The following PBX1 variants were observed in gnomAD, a reference collection of about 807,000 sequenced individuals.
The protein encoded by PBX1 is PBX homeobox 1.
In PBX1, 6 loss-of-function variants were observed where a neutral mutation model predicts 53.4. That is an observed-to-expected ratio of 0.11 (90% CI 0.06 to 0.22). The LOEUF (loss-of-function observed/expected upper bound fraction) is 0.22. PBX1 is among the 10% of genes least tolerant of loss of function. PBX1 has a pLI of 1.00. For synonymous variants in PBX1, 204 were observed against 212.3 expected (o/e 0.96, Z 0.34); for missense variants, 251 against 551.4 (o/e 0.46, Z 5.46).
At chr1:164,562,478 C>T (rs1240706743) in intron 1 of PBX1, among the ~76,000 whole-genome samples, 2 of 151,878 alleles carry the variant, frequency 1.3e-5, no homozygotes, top group East Asian at 3.9e-4. Flanking sequence ...CACACACACA[C>T]ACACACACAC....
intron 2 of PBX1, among the ~76,000 whole-genome samples, chr1:164,695,313 AC>A (rs1240411476): frequency 6.6e-6 from 1 of 152,094 alleles, no homozygotes; most frequent in African/African-American, 2.4e-5. Context: ...ACCTACATGA[AC>A]CTTGTGATCT....
chr1:164,799,632 G>A (rs1254956746), intron 3 of PBX1, 67 bp from the exon 4 acceptor site: 3 of 1,483,344 alleles, frequency 2.0e-6, no homozygotes, highest in African/African-American at 2.7e-5. Flanking sequence ...GTGGCCTAAT[G>A]TCATAGACTT....
At chr1:164,819,027 C>G (rs1257120142) in intron 6 of PBX1, 1 of 152,220 alleles carries the variant, frequency 6.6e-6, no homozygotes, top group Non-Finnish European at 1.5e-5. Context: ...GTGCAACTGA[C>G]CTGGGTCCCT....
intron 6 of PBX1, chr1:164,818,171 G>A (rs1338155963): frequency 6.6e-6 from 1 of 152,100 alleles, no homozygotes; most frequent in African/African-American, 2.4e-5. Context: ...ATTTGAGAGG[G>A]ATAGAACTAG....
At chr1:164,633,155 T>TA (rs1658518670) in intron 2 of PBX1, among the ~76,000 whole-genome samples, 1 of 122,296 alleles carries the variant, frequency 8.2e-6, no homozygotes, top group African/African-American at 3.2e-5. Flanking sequence ...CTTTCTTTTC[T>TA]TTTTTTTTTT....
intron 2 of PBX1, among the ~76,000 whole-genome samples, chr1:164,600,528 C>T (rs973762618): frequency 2.0e-5 from 3 of 152,186 alleles, no homozygotes; most frequent in Admixed American, 6.5e-5. Context: ...GGATTACAGG[C>T]GTGAGCCACT....
At chr1:164,763,153 C>A (rs1437527069) in intron 2 of PBX1, among the ~76,000 whole-genome samples, 1 of 152,190 alleles carries the variant, frequency 6.6e-6, no homozygotes, top group Non-Finnish European at 1.5e-5. Context: ...GTAGCTGAAA[C>A]CACATCCACC....
At chr1:164,830,116 A>C (rs1670679561) in intron 8 of PBX1, among the ~76,000 whole-genome samples, 1 of 152,178 alleles carries the variant, frequency 6.6e-6, no homozygotes, top group Non-Finnish European at 1.5e-5. Flanking sequence ...TAACTTGGTA[A>C]AGTAAGTTAA....
chr1:164,645,278 T>G (rs1257718172), intron 2 of PBX1, among the ~76,000 whole-genome samples: 1 of 152,112 alleles, frequency 6.6e-6, no homozygotes. Flanking sequence ...GAGCTCAAGG[T>G]GTCCGCCAGC....
intron 7 of PBX1, among the ~76,000 whole-genome samples, chr1:164,820,595 A>G (rs563127507): frequency 6.6e-6 from 1 of 152,336 alleles, no homozygotes; most frequent in African/African-American, 2.4e-5. Context: ...TTAACAAGCA[A>G]GCAAATATAT....
At chr1:164,574,975 A>T (rs1469480975) in intron 2 of PBX1, among the ~76,000 whole-genome samples, 1 of 138,966 alleles carries the variant, frequency 7.2e-6, no homozygotes, top group Admixed American at 7.2e-5. Flanking sequence ...GAGTGAGACT[A>T]AAAAAAAAAA....
chr1:164,625,598 G>A (rs540790897), intron 2 of PBX1, among the ~76,000 whole-genome samples: 9 of 152,168 alleles, frequency 5.9e-5, no homozygotes, highest in Middle Eastern at 6.8e-3. Flanking sequence ...GTTTATAAGC[G>A]AGCCAGTGGA....
intron 2 of PBX1, among the ~76,000 whole-genome samples, chr1:164,610,427 G>A (rs2101824474): frequency 6.6e-6 from 1 of 152,130 alleles, no homozygotes; most frequent in South Asian, 2.1e-4. Context: ...AATGCGGTGG[G>A]GTTAACATAA....
At chr1:164,695,039 T>C (rs1051683720) in intron 2 of PBX1, among the ~76,000 whole-genome samples, 1 of 152,194 alleles carries the variant, frequency 6.6e-6, no homozygotes, top group African/African-American at 2.4e-5. Context: ...TGTCAAAAGC[T>C]GCAGTCCTGA....
At chr1:164,793,572 G>A (rs1188995257) in intron 3 of PBX1, among the ~76,000 whole-genome samples, 2 of 152,090 alleles carry the variant, frequency 1.3e-5, no homozygotes, top group Non-Finnish European at 2.9e-5. Flanking sequence ...TTATAACAGA[G>A]CCCCTCTCTA....
At chr1:164,610,211 G>A (rs951937120) in intron 2 of PBX1, among the ~76,000 whole-genome samples, 3 of 152,142 alleles carry the variant, frequency 2.0e-5, no homozygotes, top group African/African-American at 7.2e-5. Flanking sequence ...ATCTCCCCGG[G>A]AAAGAGATTT....
chr1:164,602,949 G>A (rs1050120003), intron 2 of PBX1, among the ~76,000 whole-genome samples: 1 of 152,164 alleles, frequency 6.6e-6, no homozygotes, highest in African/African-American at 2.4e-5. Context: ...TGCTGTCCAA[G>A]AAGTCTCTTG....
At chr1:164,743,699 G>T (rs760917462) in intron 2 of PBX1, among the ~76,000 whole-genome samples, 4 of 152,118 alleles carry the variant, frequency 2.6e-5, no homozygotes, top group Admixed American at 2.0e-4. Flanking sequence ...AATTCCAGAG[G>T]TGGGTCATTA....
intron 6 of PBX1, chr1:164,818,096 C>T (rs1190100710): frequency 6.6e-6 from 1 of 152,068 alleles, no homozygotes; most frequent in Non-Finnish European, 1.5e-5. Flanking sequence ...TAAATGCAAG[C>T]ATGTATTGTA....
Sources: allele counts gnomAD v4.1 joint callset (sites outside exome capture counted in the v4.1 genomes callset), GRCh38; gene constraint gnomAD v4.1.1; transcripts MANE v1.5; gene names NCBI Gene and HGNC (gene_info 2026-07-23, HGNC 2026-07-21).